NDUFAF6: variants seen among roughly 807,000 people sequenced by gnomAD.
The protein encoded by NDUFAF6 is NADH dehydrogenase (ubiquinone) complex I, assembly factor 6.
NDUFAF6 carries 45 observed loss-of-function variants against 40.8 expected under a neutral mutation model. That is an observed-to-expected ratio of 1.10 (90% CI 0.87 to 1.42). The LOEUF is 1.42. Ranked by LOEUF, NDUFAF6 falls within the 40% of genes most tolerant of loss-of-function variation. NDUFAF6 has a pLI of 0.00. For synonymous variants in NDUFAF6, 185 were observed against 155.9 expected (o/e 1.19, Z -1.39); for missense variants, 435 against 418.5 (o/e 1.04, Z -0.34).
At chr8:95,058,778 T>C (rs1042467788), downstream of NDUFAF6, 191 of 986,684 alleles carry the variant, frequency 1.9e-4, no homozygotes, top group Non-Finnish European at 2.2e-4. Flanking sequence ...CTTGCATCAG[T>C]GTTCTCATTT....
At chr8:94,966,253 A>T (rs371106164) in intron 1 of NDUFAF6, among the ~76,000 whole-genome samples, 13 of 152,330 alleles carry the variant, frequency 8.5e-5, no homozygotes, top group African/African-American at 2.9e-4. Flanking sequence ...GGGACTTCAC[A>T]TGTAAGGCTT....
chr8:95,002,120 G>A (rs554604078), intron 2 of NDUFAF6, among the ~76,000 whole-genome samples: 7 of 152,308 alleles, frequency 4.6e-5, no homozygotes, highest in African/African-American at 1.7e-4. Context: ...CTTTATTTAT[G>A]AGTGGTTTTA....
chr8:95,057,747 T>C (rs1832368344), intron 8 of NDUFAF6, 62 bp from the exon 9 acceptor site: 1 of 1,218,302 alleles, frequency 8.2e-7, no homozygotes, highest in Non-Finnish European at 1.2e-6. Context: ...TTTAGTTAGT[T>C]TTTTTTTTTT....
At chr8:95,110,711 T>A (rs2132086515) in intron 4 of NDUFAF6, among the ~76,000 whole-genome samples, 1 of 152,378 alleles carries the variant, frequency 6.6e-6, no homozygotes, top group Non-Finnish European at 1.5e-5. Flanking sequence ...CCTCTGTAAC[T>A]GTTAAATTGA....
downstream of NDUFAF6, among the ~76,000 whole-genome samples, chr8:95,117,900 T>C (rs1338213757): frequency 6.6e-6 from 1 of 152,212 alleles, no homozygotes; most frequent in East Asian, 1.9e-4. Context: ...TGGTTATTGA[T>C]TTCCATGTGT....
chr8:94,942,897 G>C (rs1158668367), intron 1 of NDUFAF6, among the ~76,000 whole-genome samples: 2 of 152,296 alleles, frequency 1.3e-5, no homozygotes, highest in Non-Finnish European at 2.9e-5. Context: ...AGCTGAGCAG[G>C]AACCAGGTCC....
At position 94,933,110 on chromosome 8, in the gene NDUFAF6, C is replaced by A. The variant is rs548057360; in HGVS notation, c.-935-12373C>A. ...GCATGTGCCAGTAATCCCAGTTAAT[C>A]GGCAGGATAAGGCAGGAGAATCACT... On this transcript the variant is annotated intron_variant, in intron 1 of 14. Transcript: ENST00000396113. Among the ~76,000 whole-genome samples the A allele has an allele frequency of 2.0e-5, 3 of 152,152 alleles. No homozygotes were observed. In the South Asian group the frequency reaches 6.2e-4, roughly 32 times the overall value.
At chr8:94,944,497 G>A (rs1026341107) in intron 1 of NDUFAF6, among the ~76,000 whole-genome samples, 1 of 152,214 alleles carries the variant, frequency 6.6e-6, no homozygotes, top group Admixed American at 6.5e-5. Flanking sequence ...TTTCTAGGGA[G>A]CAGTACAAGT....
In NDUFAF6 at chr8:95,007,578, C is replaced by T. The variant is rs1827047972; in HGVS notation, c.-83-24417C>T. ...AGTTGGGAGGCTGAAGTAGGAGGAT[C>T]GCTTGAGCCTGGGAAGTTGAGGCTA... On this transcript the variant is annotated intron_variant, in intron 2 of 9. Transcript: ENST00000396111. Among the ~76,000 whole-genome samples the T allele has an allele frequency of 2.0e-5, 3 of 150,786 alleles. No individual in the cohort carries two copies. The South Asian group carries it at 6.2e-4, about 31-fold the overall frequency.
At chr8:95,074,260 C>T (rs746087143) in intron 9 of NDUFAF6, among the ~76,000 whole-genome samples, 2 of 152,024 alleles carry the variant, frequency 1.3e-5, no homozygotes, top group Non-Finnish European at 2.9e-5. Context: ...TTAGTCTCAA[C>T]GTTTTCAGGG....
At chr8:94,992,215 C>T (rs930238440) in intron 2 of NDUFAF6, among the ~76,000 whole-genome samples, 2 of 152,042 alleles carry the variant, frequency 1.3e-5, no homozygotes, top group African/African-American at 2.4e-5. Context: ...TGGCTGGGCA[C>T]GGTGGCTCAC....
At chr8:95,036,129 A>G (rs1340807691) in intron 3 of NDUFAF6, among the ~76,000 whole-genome samples, 4 of 152,236 alleles carry the variant, frequency 2.6e-5, no homozygotes, top group African/African-American at 9.6e-5. Flanking sequence ...CCTATGGGCT[A>G]GAGTATTATT....
chr8:95,047,816 T>C (rs975128611), intron 6 of NDUFAF6, among the ~76,000 whole-genome samples: 2 of 152,050 alleles, frequency 1.3e-5, no homozygotes, highest in African/African-American at 2.4e-5. Context: ...GCGAGAACTT[T>C]GTTTTCTATA....
intron 1 of NDUFAF6, among the ~76,000 whole-genome samples, chr8:94,961,175 C>A (rs929945425): frequency 7.9e-5 from 12 of 152,234 alleles, no homozygotes; most frequent in African/African-American, 2.9e-4. Flanking sequence ...GTGTTCTCCA[C>A]TGACACGTAA....
At chr8:94,947,466 T>C (rs1347762321) in intron 2 of NDUFAF6, among the ~76,000 whole-genome samples, 1 of 152,220 alleles carries the variant, frequency 6.6e-6, no homozygotes, top group African/African-American at 2.4e-5. Context: ...CAGATTCTAG[T>C]AATTTAAAAT....
At chr8:94,900,196 G>A (rs1428217380) in intron 1 of NDUFAF6, among the ~76,000 whole-genome samples, 1 of 151,934 alleles carries the variant, frequency 6.6e-6, no homozygotes, top group Non-Finnish European at 1.5e-5. Context: ...CTCTTTCAGG[G>A]CTGGCCTGGG....
chr8:95,064,267 G>C (rs1412193570), intron 9 of NDUFAF6, among the ~76,000 whole-genome samples: 1 of 151,990 alleles, frequency 6.6e-6, no homozygotes, highest in African/African-American at 2.4e-5. Flanking sequence ...TAAAGACGCT[G>C]CCTGCACCCC....
At chr8:94,925,166 T>C (rs1432325419) in intron 1 of NDUFAF6, among the ~76,000 whole-genome samples, 1 of 152,236 alleles carries the variant, frequency 6.6e-6, no homozygotes, top group East Asian at 1.9e-4. Context: ...AAGACTCAGA[T>C]AATAAAAATC....
intron 1 of NDUFAF6, among the ~76,000 whole-genome samples, chr8:94,960,326 C>T (rs1008799467): frequency 2.0e-5 from 3 of 152,184 alleles, no homozygotes. Context: ...AACCTCAGTA[C>T]GACTCTGCTA....
Sources: allele counts gnomAD v4.1 joint callset (sites outside exome capture counted in the v4.1 genomes callset), GRCh38; gene constraint gnomAD v4.1.1; transcripts MANE v1.5; gene names NCBI Gene and HGNC (gene_info 2026-07-23, HGNC 2026-07-21).